The following ADAM9 variants were observed in gnomAD, a reference collection of about 807,000 sequenced individuals.
ADAM9 encodes the protein ADAM metallopeptidase domain 9, also known as disintegrin and metalloproteinase domain-containing protein 9.
Under a neutral mutation model 108.1 loss-of-function variants are expected in ADAM9, and 54 were observed. The ratio of observed to expected loss-of-function variants is 0.50; its 90% CI spans 0.40 to 0.63. The LOEUF is 0.63. ADAM9 is among the 20% of genes least tolerant of loss of function. The pLI, the probability that ADAM9 is intolerant of heterozygous loss-of-function variation, is 0.00. For synonymous variants in ADAM9, 316 were observed against 336.0 expected (o/e 0.94, Z 0.65); for missense variants, 830 against 997.7 (o/e 0.83, Z 2.26).
At chr8:39,030,380 C>G (rs867575577) in intron 11 of ADAM9, among the ~76,000 whole-genome samples, 1 of 152,042 alleles carries the variant, frequency 6.6e-6, no homozygotes, top group African/African-American at 2.4e-5. Flanking sequence ...TGGCTTCTTT[C>G]ACTTAGCAAT....
At chr8:39,055,999 GCA>G (rs1469055973) in intron 14 of ADAM9, among the ~76,000 whole-genome samples, 1 of 151,718 alleles carries the variant, frequency 6.6e-6, no homozygotes. Context: ...TGTGTATCAC[GCA>G]CACACACAGA....
chr8:39,039,808 T>C (rs547023778), intron 11 of ADAM9, among the ~76,000 whole-genome samples: 2 of 152,378 alleles, frequency 1.3e-5, no homozygotes, highest in African/African-American at 4.8e-5. Flanking sequence ...TTTGTTTCCA[T>C]ATCTTGGCTA....
At chr8:39,006,451 T>A (rs1035437384) in intron 1 of ADAM9, among the ~76,000 whole-genome samples, 19 of 151,168 alleles carry the variant, frequency 1.3e-4, no homozygotes, top group African/African-American at 4.1e-4. Flanking sequence ...AATCTATATT[T>A]GAGAAATCTG....
chr8:39,091,239 A>G lies in ADAM9; in HGVS notation c.2211-20A>G, dbSNP rs2129443137. The G allele has an allele frequency of 1.2e-6, 2 of 1,607,380 alleles. No homozygotes were observed. Among genetic ancestry groups the G allele is most frequent in the Non-Finnish European group, 1.7e-6 (2 of 1,173,964 alleles). On this transcript the variant is annotated intron_variant, in intron 19 of 21. Transcript: ENST00000487273. The stretch of plus-strand genomic sequence containing the variant: ...AATGTTTTTATCTTAATTTAGATCA[A>G]AAGTAATTGTATCTTTCAGGTCAGA...
At position 39,082,710 on chromosome 8, in the gene ADAM9, C is replaced by T. The variant is rs143019481; in HGVS notation, c.1951C>T (p.His651Tyr). 1.9e-6 allele frequency: 3 copies of T among 1,612,082 alleles called. No individual in the cohort carries two copies. Among genetic ancestry groups the T allele is most frequent in the Non-Finnish European group, 2.5e-6 (3 of 1,179,166 alleles). ...TGACTGTGATGTTCAGAAAAAGTGT[C>T]ATGGACATGGGGTAGGTAATGTTTT... ...NYDCDVQKKC[H>Y]GHGVCNSNKN... is the part of the protein sequence containing the mutation. The change falls in exon 17 of 22, where the codon CAT (histidine) becomes TAT (tyrosine). Residue 651 changes from histidine to tyrosine, a missense_variant. His to Tyr is a moderately conservative substitution (Grantham distance 83). Transcript: ENST00000487273.
At chr8:39,016,286 C>A in intron 5 of ADAM9, 92 bp downstream of exon 5, 1 of 1,186,418 alleles carries the variant, frequency 8.4e-7, no homozygotes, top group South Asian at 1.2e-5. Flanking sequence ...ATTTTGGGCA[C>A]TTAGCAAAAT....
At position 39,055,579 on chromosome 8, in the gene ADAM9, C is replaced by G. The variant is rs373537526; in HGVS notation, c.1398C>G (p.Phe466Leu). The G allele has an allele frequency of 3.1e-6, 5 of 1,613,386 alleles. No homozygotes were observed. The South Asian group carries it at 4.4e-5, about 14-fold the overall frequency. The stretch of plus-strand genomic sequence containing the variant: ...TAATTTGAATTCTATTTCACTAGTT[C>G]CTTCCAGGAGGTACTTTATGCCGAG... ...AYGDCCKDCR[F>L]LPGGTLCRGK... Residue 466 changes from phenylalanine to leucine, a missense_variant and splice_region_variant, in exon 14 of 22, where the codon TTC (phenylalanine) becomes TTG (leucine). Phe to Leu is a conservative substitution (Grantham distance 22). Coordinates refer to ENST00000487273, the MANE Select transcript of ADAM9 (RefSeq NM_003816.3).
intron 14 of ADAM9, among the ~76,000 whole-genome samples, chr8:39,070,414 A>G (rs559921131): frequency 1.9e-4 from 29 of 152,266 alleles, no homozygotes; most frequent in African/African-American, 7.0e-4. Flanking sequence ...ATCTCCAGAA[A>G]TATATACCAC....
intron 7 of ADAM9, among the ~76,000 whole-genome samples, chr8:39,019,141 T>G (rs1836650465): frequency 6.6e-6 from 1 of 152,170 alleles, no homozygotes; most frequent in Admixed American, 6.5e-5. Context: ...TATTAATGAT[T>G]TTTTTTTCTT....
intron 10 of ADAM9, 130 bp downstream of exon 10, chr8:39,026,014 G>A (rs1440723611): frequency 1.9e-5 from 17 of 879,696 alleles, no homozygotes; most frequent in South Asian, 2.8e-5. Context: ...AGTAGAAGTC[G>A]CAGATGGGTT....
intron 20 of ADAM9, among the ~76,000 whole-genome samples, chr8:39,097,513 G>A (rs1839547524): frequency 6.6e-6 from 1 of 151,894 alleles, no homozygotes; most frequent in African/African-American, 2.4e-5. Flanking sequence ...TCACCATATT[G>A]GCCAGGCTGG....
rs185782950 is a variant in ADAM9 at position 39,045,304 on chromosome 8, A to G, written c.1302+3187A>G. Reference sequence around the variant, plus strand: ...TGTATATGTGTGTGTACACCTATACATGTGTGTGTACACCTATACATGTGT... The same window carrying G: ...TGTATATGTGTGTGTACACCTATACGTGTGTGTGTACACCTATACATGTGT... On this transcript the variant is annotated intron_variant, in intron 12 of 21. Transcript: ENST00000487273. Among the ~76,000 whole-genome samples the G allele has an allele frequency of 2.3e-3, 238 of 104,762 alleles. 7 individuals are homozygous for G. The highest frequency in any genetic ancestry group is 9.0e-3 in the African/African-American group (226 of 25,166). The allele number at this position is 104,762 out of a possible 152,430, so 68.7% of individuals were successfully genotyped here. A position where few individuals can be genotyped will look rare whatever the true frequency, so the allele number is the denominator to read the frequency against.
chr8:39,010,261 A>G (rs924157267), intron 2 of ADAM9, among the ~76,000 whole-genome samples: 2 of 152,208 alleles, frequency 1.3e-5, no homozygotes, highest in African/African-American at 4.8e-5. Flanking sequence ...TTATTACATC[A>G]CGTGATTATC....
At position 39,013,929 on chromosome 8, in the gene ADAM9, A is replaced by G. The variant is rs540187906; in HGVS notation, c.255-36A>G. ...ATCGTGTCCTTAGTTGTAGATAGAT[A>G]ACATATATATAAACGGTGTTTTATT... is the stretch of plus-strand genomic sequence containing the variant. On this transcript the variant is annotated intron_variant, in intron 3 of 21. Coordinates refer to ENST00000487273, the MANE Select transcript of ADAM9 (RefSeq NM_003816.3). 11 of 1,505,514 alleles carry G rather than the reference A, an allele frequency of 7.3e-6. No individual in the cohort carries two copies. The South Asian group carries it at 1.2e-4, about 17-fold the overall frequency. 93.3% of individuals were successfully genotyped at this position (1,505,514 alleles called of 1,614,324 possible). A position where few individuals can be genotyped will look rare whatever the true frequency, so the allele number is the denominator to read the frequency against.
chr8:39,078,851 C>T (rs1386094013), intron 16 of ADAM9, among the ~76,000 whole-genome samples: 1 of 151,974 alleles, frequency 6.6e-6, no homozygotes, highest in East Asian at 1.9e-4. Context: ...AGACATTATC[C>T]ACTAGTTTTA....
chr8:39,042,782 T>C (rs1588370942), intron 12 of ADAM9, among the ~76,000 whole-genome samples: 1 of 152,336 alleles, frequency 6.6e-6, no homozygotes, highest in East Asian at 1.9e-4. Flanking sequence ...TAGCATGAAA[T>C]TGATCCTTCT....
At chr8:39,012,537 G>A (rs1836388407) in intron 3 of ADAM9, among the ~76,000 whole-genome samples, 1 of 152,126 alleles carries the variant, frequency 6.6e-6, no homozygotes, top group African/African-American at 2.4e-5. Context: ...CAAAGACTTG[G>A]AACCAACCCA....
At chr8:39,049,659 G>A (rs552642099) in intron 12 of ADAM9, among the ~76,000 whole-genome samples, 5 of 151,952 alleles carry the variant, frequency 3.3e-5, no homozygotes, top group South Asian at 2.1e-4. Flanking sequence ...GGCTGGTCTC[G>A]AACTCCTGAC....
intron 6 of ADAM9, 158 bp from the exon 7 acceptor site, chr8:39,018,695 C>A: frequency 1.4e-6 from 1 of 716,034 alleles, no homozygotes; most frequent in Non-Finnish European, 2.4e-6. Flanking sequence ...GCAGATAACA[C>A]TTCAAAAAAC....
Sources: allele counts gnomAD v4.1 joint callset (sites outside exome capture counted in the v4.1 genomes callset), GRCh38; gene constraint gnomAD v4.1.1; transcripts MANE v1.5; gene names NCBI Gene and HGNC (gene_info 2026-07-23, HGNC 2026-07-21).